FAM163B: variants seen among roughly 807,000 people sequenced by gnomAD.
FAM163B encodes family with sequence similarity 163 member B.
A neutral mutation model predicts 7.6 loss-of-function variants in FAM163B; 4 were observed. The ratio of observed to expected loss-of-function variants is 0.52; its 90% CI spans 0.26 to 1.20. FAM163B has a LOEUF of 1.20. Ranked by LOEUF, FAM163B falls within the 50% of genes most tolerant of loss-of-function variation. The pLI is 0.14. For missense variants in FAM163B, 250 were observed against 243.0 expected (o/e 1.03, Z -0.19); for synonymous variants, 120 against 111.6 (o/e 1.07, Z -0.47).
intron 1 of FAM163B, among the ~76,000 whole-genome samples, chr9:133,594,083 C>G (rs3025310): frequency 0.17 from 25,347 of 152,184 alleles, 2,633 homozygotes; most frequent in African/African-American, 0.28. Flanking sequence ...TTTAACGAGA[C>G]AAGATCAGCT....
intron 1 of FAM163B, among the ~76,000 whole-genome samples, chr9:133,602,613 T>G (rs565432760): frequency 6.6e-6 from 1 of 152,078 alleles, no homozygotes. Flanking sequence ...TTTTTTTTTT[T>G]AAATAGAGAT....
Position 133,578,894 on chromosome 9 carries a change from C to G in FAM163B, c.*128G>C. ...GGGGCTCCCCAAGCCTGGGCCTCCC[C>G]TGAGGACAGGGATTCCAGGAGGGCT... On this transcript the variant is annotated 3_prime_UTR_variant, in exon 3 of 3. Transcript: ENST00000673969. The G allele has an allele frequency of 7.0e-7, 1 of 1,426,400 alleles. No homozygotes were observed. The highest frequency in any genetic ancestry group is 1.4e-5 in the African/African-American group (1 of 69,568). The allele number at this position is 1,426,400 out of a possible 1,614,324, so 88.4% of individuals were successfully genotyped here.
intron 1 of FAM163B, among the ~76,000 whole-genome samples, chr9:133,589,500 C>G (rs902486656): frequency 1.3e-5 from 2 of 152,198 alleles, no homozygotes; most frequent in Non-Finnish European, 2.9e-5. Context: ...CCTTCCATCC[C>G]CCACCCTCAG....
chr9:133,577,663 AAAG>A lies in FAM163B; in HGVS notation c.*1356_*1358del, dbSNP rs2131202634. 6.6e-6 allele frequency among the ~76,000 whole-genome samples: 1 copy of A among 152,300 alleles called. No individual in the cohort carries two copies. Among genetic ancestry groups the A allele is most frequent in the African/African-American group, 2.4e-5 (1 of 41,586 alleles). ...CCCTGGGGCTCCATGGCAGGGCACA[AAAG>A]GAGAGGCAGAGCCCCAGAGAGGGAA... On this transcript the variant is annotated 3_prime_UTR_variant, in exon 3 of 3. Transcript: ENST00000673969.
intron 1 of FAM163B, among the ~76,000 whole-genome samples, chr9:133,591,415 G>A (rs536708814): frequency 3.3e-5 from 5 of 152,296 alleles, no homozygotes; most frequent in African/African-American, 1.2e-4. Flanking sequence ...ACATTTTCCT[G>A]TTGGGGCCGT....
rs973838021 is a variant in FAM163B at position 133,583,669 on chromosome 9, G to A, written c.-23-3423C>T. Among the ~76,000 whole-genome samples the A allele has an allele frequency of 4.0e-3, 609 of 152,304 alleles. 12 individuals carry two copies. Among genetic ancestry groups the A allele is most frequent in the Admixed American group, 0.029 (450 of 15,312 alleles). Reference sequence around the variant, plus strand: ...TGAGATGCAGCCGGTCCCTGGCTCCGCCTGGCTGCAGCTCCTCTGGGCCCA... The same window carrying A: ...TGAGATGCAGCCGGTCCCTGGCTCCACCTGGCTGCAGCTCCTCTGGGCCCA... On this transcript the variant is annotated intron_variant, in intron 1 of 2. Coordinates refer to ENST00000673969, the MANE Select transcript of FAM163B (RefSeq NM_001080515.3).
chr9:133,582,082 G>T (rs2131217279), intron 1 of FAM163B, among the ~76,000 whole-genome samples: 1 of 152,306 alleles, frequency 6.6e-6, no homozygotes, highest in Non-Finnish European at 1.5e-5. Context: ...AAGGCTCAGA[G>T]GTTCCATTCC....
chr9:133,587,826 CCTT>C (rs1216896636), intron 1 of FAM163B, among the ~76,000 whole-genome samples: 1 of 152,160 alleles, frequency 6.6e-6, no homozygotes, highest in Non-Finnish European at 1.5e-5. Context: ...TCAAACCTCA[CCTT>C]CTGCCCAGTC....
chr9:133,586,909 G>A (rs1374823813), intron 1 of FAM163B, among the ~76,000 whole-genome samples: 2 of 152,108 alleles, frequency 1.3e-5, no homozygotes, highest in African/African-American at 2.4e-5. Flanking sequence ...ACCCCCCAGC[G>A]TAGGCGGCTT....
At chr9:133,587,631 C>G (rs1831460607) in intron 1 of FAM163B, among the ~76,000 whole-genome samples, 1 of 152,098 alleles carries the variant, frequency 6.6e-6, no homozygotes, top group Admixed American at 6.5e-5. Flanking sequence ...CTGAGATAGC[C>G]CCCACCAGGC....
At chr9:133,591,650 C>T (rs946578264) in intron 1 of FAM163B, among the ~76,000 whole-genome samples, 5 of 152,220 alleles carry the variant, frequency 3.3e-5, no homozygotes, top group Admixed American at 3.3e-4. Context: ...GGAGAACATG[C>T]CTTTCTCCCA....
chr9:133,587,247 C>G (rs1831452807), intron 1 of FAM163B, among the ~76,000 whole-genome samples: 1 of 152,208 alleles, frequency 6.6e-6, no homozygotes, highest in South Asian at 2.1e-4. Flanking sequence ...GGAGCCCTGC[C>G]TGGCCCACTA....
At position 133,578,740 on chromosome 9, in the gene FAM163B, G is replaced by C; in HGVS notation, c.*282C>G. 4.2e-6 allele frequency: 2 copies of C among 473,900 alleles called. No individual in the cohort carries two copies. The highest frequency in any genetic ancestry group is 7.2e-6 in the Non-Finnish European group (2 of 279,472). The allele number at this position is 473,900 out of a possible 1,614,324, so 29.4% of individuals were successfully genotyped here. On this transcript the variant is annotated 3_prime_UTR_variant, in exon 3 of 3. Coordinates refer to ENST00000673969, the MANE Select transcript of FAM163B (RefSeq NM_001080515.3). ...ATCATCAGGAGTAACGGTGGCCTCT[G>C]TGCCTGAGAGCCCTGGTGCATGCCC...
intron 1 of FAM163B, among the ~76,000 whole-genome samples, chr9:133,595,196 A>G (rs958562874): frequency 2.0e-5 from 3 of 152,182 alleles, no homozygotes; most frequent in Admixed American, 2.0e-4. Flanking sequence ...CCCAGGCTGG[A>G]GTGCAATGGC....
At chr9:133,598,140 C>T (rs1444476586) in intron 1 of FAM163B, among the ~76,000 whole-genome samples, 1 of 152,184 alleles carries the variant, frequency 6.6e-6, no homozygotes, top group Non-Finnish European at 1.5e-5. Context: ...TTCGAGGCCT[C>T]CCTGGGAGCC....
rs1299474729 is a variant in FAM163B, at chr9:133,600,310, G to A, written c.-24+8767C>T. On this transcript the variant is annotated intron_variant, in intron 1 of 2. Transcript: ENST00000673969. The surrounding 1 kb of genome is among the most constrained non-coding windows in gnomAD (Gnocchi z 4.9). ...GTGTGTGTGTGTAGTGCTGAGAGTGGATGAAGAGCAGCATGCAGGTGCAAA... is the reference window on the plus strand; with the variant it reads ...GTGTGTGTGTGTAGTGCTGAGAGTGAATGAAGAGCAGCATGCAGGTGCAAA... Among the ~76,000 whole-genome samples, 1 of 151,378 alleles carries A rather than the reference G, an allele frequency of 6.6e-6. No individual in the cohort carries two copies. Among genetic ancestry groups the A allele is most frequent in the Non-Finnish European group, 1.5e-5 (1 of 67,834 alleles).
rs1031048725 is a variant in FAM163B at position 133,600,217 on chromosome 9, GT to G, written c.-24+8859del. On this transcript the variant is annotated intron_variant, in intron 1 of 2. Coordinates refer to ENST00000673969, the MANE Select transcript of FAM163B (RefSeq NM_001080515.3). The surrounding 1 kb of genome is among the most constrained non-coding windows in gnomAD (Gnocchi z 4.9). ...ATGTGGTCTGTGTGAGTGTGTGTGTGTGGGGGGGAATGTGGTCTGTGTGCAT... is the reference window on the plus strand; with the variant it reads ...ATGTGGTCTGTGTGAGTGTGTGTGTGGGGGGGGAATGTGGTCTGTGTGCAT... Among the ~76,000 whole-genome samples the G allele has an allele frequency of 1.3e-3, 195 of 150,660 alleles. No individual in the cohort carries two copies. The highest frequency in any genetic ancestry group is 2.1e-3 in the South Asian group (10 of 4,706).
intron 1 of FAM163B, among the ~76,000 whole-genome samples, chr9:133,590,114 TCCCC>T (rs1831524085): frequency 1.2e-3 from 13 of 10,546 alleles, no homozygotes; most frequent in African/African-American, 1.8e-3. Flanking sequence ...TCCCTTCCCC[TCCCC>T]TTCCCCTCCC....
At chr9:133,580,303 C>T (rs1401939767) in intron 1 of FAM163B, 57 bp from the exon 2 acceptor site, 8 of 1,320,570 alleles carry the variant, frequency 6.1e-6, no homozygotes, top group East Asian at 4.7e-5. Context: ...AAAAGTCACT[C>T]GTGCTATTCT....
Sources: gnomAD v4.1 joint callset for allele counts (sites outside exome capture counted in the v4.1 genomes callset) on GRCh38, gnomAD v4.1.1 for gene constraint, Gnocchi (gnomAD v3.1) non-coding constraint, MANE v1.5 for transcripts, NCBI Gene and HGNC (gene_info 2026-07-23, HGNC 2026-07-21) for gene names.